ICE1: variants seen among roughly 807,000 people sequenced by gnomAD.
The protein encoded by ICE1 is little elongation complex subunit 1.
In ICE1, 64 loss-of-function variants were observed where a neutral mutation model predicts 192.7. The ratio of observed to expected loss-of-function variants is 0.33; its 90% CI spans 0.27 to 0.41. The LOEUF (loss-of-function observed/expected upper bound fraction) is 0.41. Ranked by LOEUF, ICE1 falls within the 10% of genes least tolerant of loss-of-function variation. ICE1 has a pLI of 1.00. For synonymous variants in ICE1, 1,010 were observed against 984.5 expected (o/e 1.03, Z -0.49); for missense variants, 2,708 against 2,696.0 (o/e 1.00, Z -0.10).
chr5:5,462,416 G>T lies in ICE1; in HGVS notation c.3082G>T (p.Gly1028Cys). ...ETSCGDTGRS[G>C]GEALAVANDS... Reference sequence around the variant, plus strand: ...CAGCTGTGGAGACACAGGGAGATCTGGTGGTGAGGCCCTGGCTGTTGCAAA... The same window carrying T: ...CAGCTGTGGAGACACAGGGAGATCTTGTGGTGAGGCCCTGGCTGTTGCAAA... Residue 1028 changes from glycine (G) to cysteine (C), a missense_variant, in exon 13 of 19, where the codon GGT becomes TGT. Physicochemically the swap from Gly to Cys is radical, Grantham distance 159. Transcript: ENST00000296564. 2 of 1,614,024 alleles carry T rather than the reference G, an allele frequency of 1.2e-6. No homozygotes were observed. The highest frequency in any genetic ancestry group is 1.7e-6 in the Non-Finnish European group (2 of 1,179,892).
intron 17 of ICE1, among the ~76,000 whole-genome samples, chr5:5,476,692 TCACCACAC>T (rs1319882982): frequency 3.9e-5 from 6 of 152,122 alleles, no homozygotes; most frequent in Admixed American, 3.9e-4. Flanking sequence ...AAGAGCTTGC[TCACCACAC>T]GGATGGCCCA....
At chr5:5,483,012 C>T (rs1022609124) in intron 17 of ICE1, among the ~76,000 whole-genome samples, 13 of 151,834 alleles carry the variant, frequency 8.6e-5, no homozygotes, top group Admixed American at 1.3e-4. Flanking sequence ...TTTTTTGAGA[C>T]GGAGTTTCGC....
At chr5:5,436,043 G>A (rs1170836481) in intron 1 of ICE1, among the ~76,000 whole-genome samples, 1 of 151,836 alleles carries the variant, frequency 6.6e-6, no homozygotes, top group Non-Finnish European at 1.5e-5. Flanking sequence ...TTTCTTTTTT[G>A]TTGTTATTTT....
At chr5:5,466,281 G>A in intron 13 of ICE1, 53 bp from the exon 14 acceptor site, 1 of 1,448,536 alleles carries the variant, frequency 6.9e-7, no homozygotes, top group Non-Finnish European at 9.2e-7. Flanking sequence ...TCTTTGGTAG[G>A]CTGAAGATAA....
intron 15 of ICE1, among the ~76,000 whole-genome samples, chr5:5,470,366 A>G (rs1180836982): frequency 6.6e-6 from 1 of 152,228 alleles, no homozygotes; most frequent in Non-Finnish European, 1.5e-5. Flanking sequence ...ACTAGAGCCC[A>G]TCTCCTTTCA....
At chr5:5,432,398 A>T (rs985717127) in intron 1 of ICE1, among the ~76,000 whole-genome samples, 8 of 152,178 alleles carry the variant, frequency 5.3e-5, no homozygotes, top group African/African-American at 1.9e-4. Flanking sequence ...TGTTGTATGG[A>T]TATGTGACAT....
Position 5,461,007 on chromosome 5 carries a change from C to T in ICE1, c.1673C>T (p.Ser558Leu), listed in dbSNP as rs866756401. The change falls in exon 13 of 19, where the codon TCG (serine) becomes TTG (leucine). Residue 558 changes from serine (S) to leucine (L), a missense_variant. By Grantham distance (145) the Ser-to-Leu change is moderately radical. Coordinates refer to ENST00000296564, the MANE Select transcript of ICE1 (RefSeq NM_015325.3). ...ACCGTATTGTCTAAAATGATGGGAT[C>T]GCCCAAATCAGAGTTTACTAAGTGG... ...GKTVLSKMMG[S>L]PKSEFTKWTR... 1.9e-6 allele frequency: 3 copies of T among 1,613,992 alleles called. No homozygotes were observed. In the East Asian group the frequency reaches 6.7e-5, roughly 36 times the overall value.
intron 1 of ICE1, among the ~76,000 whole-genome samples, chr5:5,434,144 T>TA (rs1238995835): frequency 6.6e-6 from 1 of 152,208 alleles, no homozygotes; most frequent in Non-Finnish European, 1.5e-5. Flanking sequence ...TGAAGATTGA[T>TA]ACCTATACAT....
intron 15 of ICE1, 100 bp downstream of exon 15, chr5:5,469,088 T>G: frequency 2.5e-6 from 2 of 814,914 alleles, no homozygotes; most frequent in South Asian, 7.7e-5. Context: ...TTCATAGGCA[T>G]TTTCTTCTTT....
chr5:5,453,671 T>C (rs1286016036), intron 10 of ICE1, among the ~76,000 whole-genome samples: 1 of 152,224 alleles, frequency 6.6e-6, no homozygotes, highest in African/African-American at 2.4e-5. Context: ...TGTCTTTTTA[T>C]GCACATTTCA....
At position 5,462,660 on chromosome 5, in the gene ICE1, T is replaced by C. The variant is rs755763621; in HGVS notation, c.3326T>C (p.Val1109Ala). The C allele has an allele frequency of 1.2e-6, 2 of 1,613,762 alleles. No homozygotes were observed. Among genetic ancestry groups the C allele is most frequent in the South Asian group, 2.2e-5 (2 of 91,062 alleles). Reference sequence around the variant, plus strand: ...CGAGAGGGGGGAGACGACACTGAGGTAGAGAGTGAGGCATTTAGCTGCAGT... The same window carrying C: ...CGAGAGGGGGGAGACGACACTGAGGCAGAGAGTGAGGCATTTAGCTGCAGT... ...GIREGGDDTEVESEAFSCSEG... is the reference protein window; with the variant it reads ...GIREGGDDTEAESEAFSCSEG... The change falls in exon 13 of 19, where the codon GTA becomes GCA. Residue 1109 changes from valine to alanine, a missense_variant. Val to Ala is a moderately conservative substitution (Grantham distance 64, BLOSUM62 0). This residue lies in a region of ICE1 where 2,366 missense variants were observed against 2,276.6 expected (regional missense o/e 1.04). Coordinates refer to ENST00000296564, the MANE Select transcript of ICE1 (RefSeq NM_015325.3).
intron 16 of ICE1, 94 bp downstream of exon 16, chr5:5,473,842 G>T: frequency 1.1e-6 from 1 of 878,024 alleles, no homozygotes; most frequent in Non-Finnish European, 1.7e-6. Flanking sequence ...TGTCGTTTAA[G>T]TGTGTAAGGC....
chr5:5,465,364 A>G (rs1738954030), intron 13 of ICE1, 138 bp downstream of exon 13: 1 of 617,110 alleles, frequency 1.6e-6, no homozygotes, highest in Non-Finnish European at 2.8e-6. Flanking sequence ...TGTAAACATT[A>G]CGACTATATT....
At chr5:5,447,592 G>A (rs1738269561) in intron 8 of ICE1, 83 bp downstream of exon 8, 1 of 1,358,110 alleles carries the variant, frequency 7.4e-7, no homozygotes, top group Admixed American at 2.1e-5. Context: ...AACTCACGTA[G>A]GAGTCAACAT....
chr5:5,463,716 G>A lies in ICE1; in HGVS notation c.4382G>A (p.Cys1461Tyr). ...SQDQGELEAG[C>Y]IPVTSAEKSP... ...GATCAAGGAGAGCTGGAAGCTGGTTGCATCCCAGTGACTTCTGCTGAGAAG... is the reference window on the plus strand; with the variant it reads ...GATCAAGGAGAGCTGGAAGCTGGTTACATCCCAGTGACTTCTGCTGAGAAG... The change falls in exon 13 of 19, where the codon TGC becomes TAC. Residue 1461 changes from cysteine (C) to tyrosine (Y), a missense_variant. Transcript: ENST00000296564. The A allele has an allele frequency of 1.2e-6, 2 of 1,613,916 alleles. No homozygotes were observed. The highest frequency in any genetic ancestry group is 1.7e-6 in the Non-Finnish European group (2 of 1,179,878).
At chr5:5,434,240 TTAAC>T (rs375634632) in intron 1 of ICE1, among the ~76,000 whole-genome samples, 178 of 152,314 alleles carry the variant, frequency 1.2e-3, no homozygotes, top group African/African-American at 4.0e-3. Flanking sequence ...GCAAATTTAA[TTAAC>T]TAATTCCAAC....
intron 1 of ICE1, among the ~76,000 whole-genome samples, chr5:5,423,947 C>T (rs1737431827): frequency 6.6e-6 from 1 of 152,138 alleles, no homozygotes; most frequent in East Asian, 1.9e-4. Context: ...GAATATTGGT[C>T]TTGTCTCTTA....
chr5:5,430,586 C>A (rs181863713), intron 1 of ICE1, among the ~76,000 whole-genome samples: 19 of 152,308 alleles, frequency 1.2e-4, no homozygotes, highest in Non-Finnish European at 2.9e-5. Flanking sequence ...CTTTCCAAGA[C>A]AGAACCATTT....
rs1427813208 is a variant in ICE1, at chr5:5,463,456, T to C, written c.4122T>C (p.Ser1374=). ...PEPVEPSALC[S]DSVMEPSIEQ... ...CTGTGGAGCCATCAGCCTTGTGCTC[T>C]GACTCTGTGATGGAGCCATCCATAG... Residue 1374 remains serine (S), a synonymous_variant, in exon 13 of 19, where the codon TCT becomes TCC. Transcript: ENST00000296564. 1 of 1,612,892 alleles carries C rather than the reference T, an allele frequency of 6.2e-7. No individual in the cohort carries two copies. Among genetic ancestry groups the C allele is most frequent in the Middle Eastern group, 1.6e-4 (1 of 6,062 alleles).
Sources: gnomAD v4.1 joint callset for allele counts (sites outside exome capture counted in the v4.1 genomes callset) on GRCh38, gnomAD v4.1.1 for gene constraint, gnomAD v4.1.1 regional missense constraint, MANE v1.5 for transcripts, NCBI Gene and HGNC (gene_info 2026-07-23, HGNC 2026-07-21) for gene names.